Variants in FAM20C observed in about 807,000 individuals in gnomAD.
FAM20C encodes FAM20C golgi associated secretory pathway kinase.
In FAM20C, 40 loss-of-function variants were observed where a neutral mutation model predicts 51.5. The ratio of observed to expected loss-of-function variants is 0.78; its 90% CI spans 0.60 to 1.01. The LOEUF (loss-of-function observed/expected upper bound fraction) is 1.01. Ranked by LOEUF, FAM20C falls within the 50% of genes least tolerant of loss-of-function variation. The pLI is 0.00. For synonymous variants in FAM20C, 406 were observed against 380.6 expected (o/e 1.07, Z -0.78); for missense variants, 861 against 844.7 (o/e 1.02, Z -0.24).
At chr7:247,711 C>T in intron 4 of FAM20C, among the ~76,000 whole-genome samples, 1 of 152,168 alleles carries the variant, frequency 6.6e-6, no homozygotes, top group African/African-American at 2.4e-5. Context: ...AGGAAACAGC[C>T]CCCCTCGGGT....
At chr7:245,696 G>A (rs1179770808) in intron 3 of FAM20C, among the ~76,000 whole-genome samples, 1 of 152,242 alleles carries the variant, frequency 6.6e-6, no homozygotes, top group Admixed American at 6.5e-5. Flanking sequence ...ACACTTGCGT[G>A]GACCGGCACC....
At position 193,718 on chromosome 7, in the gene FAM20C, G is replaced by C. The variant is rs572411891; in HGVS notation, c.519G>C (p.Ala173=). 1.3e-6 allele frequency: 2 copies of C among 1,546,890 alleles called. No individual in the cohort carries two copies. The highest frequency in any genetic ancestry group is 2.7e-5 in the African/African-American group (2 of 72,918). ...TCGAGCACCCGCTTTACCGGGTGGC[G>C]GTTCCGCCGCTCACGGAGGAGGACG... is the stretch of plus-strand genomic sequence containing the variant. The part of the protein sequence containing the change: ...RLFEHPLYRV[A]VPPLTEEDVL... Residue 173 remains alanine, a synonymous_variant, in exon 1 of 10, where the codon GCG becomes GCC. Transcript: ENST00000313766.
chr7:259,632 C>T (rs1277900440), intron 9 of FAM20C, 99 bp from the exon 10 acceptor site: 27 of 1,317,970 alleles, frequency 2.0e-5, no homozygotes, highest in Non-Finnish European at 2.4e-5. Flanking sequence ...CTCTGTCTCT[C>T]CCCCCACTCT....
At chr7:236,569 G>A (rs1395686478) in intron 3 of FAM20C, among the ~76,000 whole-genome samples, 2 of 152,226 alleles carry the variant, frequency 1.3e-5, no homozygotes, top group Non-Finnish European at 2.9e-5. Flanking sequence ...TTACTCTGCA[G>A]AAAGGGAAAC....
At chr7:199,042 A>G (rs1583278018) in intron 2 of FAM20C, among the ~76,000 whole-genome samples, 1 of 152,238 alleles carries the variant, frequency 6.6e-6, no homozygotes, top group Admixed American at 6.5e-5. Context: ...CTCCATGTCC[A>G]GGTCCAGGTC....
chr7:216,649 G>C (rs1332232670), intron 3 of FAM20C, among the ~76,000 whole-genome samples: 1 of 144,292 alleles, frequency 6.9e-6, no homozygotes, highest in Non-Finnish European at 1.5e-5. Flanking sequence ...GTGAGTGTGT[G>C]TGAGTGTGTG....
chr7:211,337 G>A (rs1237275156), intron 3 of FAM20C, among the ~76,000 whole-genome samples: 1 of 85,050 alleles, frequency 1.2e-5, no homozygotes, highest in Non-Finnish European at 2.4e-5. Context: ...ACAACCTCCC[G>A]AAACCTCCCC....
chr7:235,753 T>G (rs1787830113), intron 3 of FAM20C, among the ~76,000 whole-genome samples: 1 of 152,164 alleles, frequency 6.6e-6, no homozygotes, highest in Non-Finnish European at 1.5e-5. Context: ...GGGTCAGTGG[T>G]GGACGGGGCT....
At chr7:257,309 C>T in intron 8 of FAM20C, 1 of 573,414 alleles carries the variant, frequency 1.7e-6, no homozygotes, top group Non-Finnish European at 3.1e-6. Context: ...AGGAATGCTG[C>T]AGACCAAGTC....
intron 2 of FAM20C, among the ~76,000 whole-genome samples, chr7:207,085 C>T (rs28743115): frequency 3.2e-5 from 1 of 31,482 alleles, no homozygotes; most frequent in African/African-American, 1.3e-4. Flanking sequence ...CACTGTGACG[C>T]GTCGGTCACT....
At chr7:206,568 T>G (rs796331335) in intron 2 of FAM20C, among the ~76,000 whole-genome samples, 3,018 of 33,112 alleles carry the variant, frequency 0.091, 225 homozygotes, top group African/African-American at 0.22. Context: ...CGTCGGTCAC[T>G]GTCCCCTCAG....
At position 208,959 on chromosome 7, in the gene FAM20C, G is replaced by A. The variant is rs746238378; in HGVS notation, c.846G>A (p.Ala282=). 1.3e-5 allele frequency: 21 copies of A among 1,584,638 alleles called. No individual in the cohort carries two copies. The highest frequency in any genetic ancestry group is 8.1e-5 in the South Asian group (7 of 86,412). The change falls in exon 3 of 10, where the codon GCG becomes GCA. Residue 282 remains alanine, a synonymous_variant. Coordinates refer to ENST00000313766, the MANE Select transcript of FAM20C (RefSeq NM_020223.4). ...TGACCTTCCAGAATTACGGGCAAGC[G>A]CTGTTCAAACCCATGAAGTAAGTGC... ...LIMTFQNYGQ[A]LFKPMKQTRE...
chr7:210,075 C>T (rs945781951), intron 3 of FAM20C, among the ~76,000 whole-genome samples: 4 of 152,222 alleles, frequency 2.6e-5, no homozygotes, highest in Non-Finnish European at 5.9e-5. Context: ...CCCGCTCACA[C>T]GCTCACACAG....
intron 2 of FAM20C, among the ~76,000 whole-genome samples, chr7:201,985 C>A (rs1233272145): frequency 6.6e-6 from 1 of 152,196 alleles, no homozygotes; most frequent in Non-Finnish European, 1.5e-5. Context: ...AATGATGAAT[C>A]AATAGGAATG....
At chr7:257,615 A>G (rs1321108253) in intron 8 of FAM20C, among the ~76,000 whole-genome samples, 2 of 152,204 alleles carry the variant, frequency 1.3e-5, no homozygotes, top group Non-Finnish European at 2.9e-5. Context: ...GACTTTGGGC[A>G]CTTCAATAGC....
At chr7:204,209 CTG>C (rs1786247238) in intron 2 of FAM20C, among the ~76,000 whole-genome samples, 1 of 151,790 alleles carries the variant, frequency 6.6e-6, no homozygotes, top group African/African-American at 2.4e-5. Flanking sequence ...ACGCTGTTTG[CTG>C]TCATTGAAAA....
At chr7:259,668 G>T in intron 9 of FAM20C, 63 bp from the exon 10 acceptor site, 13 of 1,376,244 alleles carry the variant, frequency 9.4e-6, no homozygotes, top group Middle Eastern at 1.9e-4. Context: ...ACTTTCTCTC[G>T]CTTTCCCGTG....
chr7:240,947 A>AG (rs1775539776), intron 3 of FAM20C, among the ~76,000 whole-genome samples: 1 of 152,116 alleles, frequency 6.6e-6, no homozygotes, highest in African/African-American at 2.4e-5. Context: ...CTCCCTGAGC[A>AG]GGGGGTGGGG....
intron 2 of FAM20C, among the ~76,000 whole-genome samples, chr7:205,781 C>T (rs1786351427): frequency 6.6e-6 from 1 of 152,122 alleles, no homozygotes; most frequent in African/African-American, 2.4e-5. Flanking sequence ...CCCCCGTGCT[C>T]CTGGCCTTCC....
Sources: gnomAD v4.1 joint callset for allele counts (sites outside exome capture counted in the v4.1 genomes callset) on GRCh38, gnomAD v4.1.1 for gene constraint, MANE v1.5 for transcripts, NCBI Gene and HGNC (gene_info 2026-07-23, HGNC 2026-07-21) for gene names.